Variants in FBN2 observed in about 807,000 individuals in gnomAD.
The protein encoded by FBN2 is fibrillin 2.
Under a neutral mutation model 355.6 loss-of-function variants are expected in FBN2, and 105 were observed. The observed-to-expected ratio is 0.30, with a 90% CI of 0.25 to 0.35. The LOEUF is 0.35. Ranked by LOEUF, FBN2 falls within the 10% of genes least tolerant of loss-of-function variation. The pLI, the probability that FBN2 is intolerant of heterozygous loss-of-function variation, is 1.00. For synonymous variants in FBN2, 1,350 were observed against 1,301.2 expected (o/e 1.04, Z -0.81); for missense variants, 3,280 against 3,758.7 (o/e 0.87, Z 3.33).
At chr5:128,471,824 T>A (rs894557856) in intron 5 of FBN2, among the ~76,000 whole-genome samples, 2 of 152,182 alleles carry the variant, frequency 1.3e-5, no homozygotes, top group Admixed American at 1.3e-4. Context: ...TATTTATACA[T>A]GTAGTTTTTA....
At chr5:128,395,086 T>C (rs1752612278) in intron 9 of FBN2, 36 bp downstream of exon 9, 4 of 1,612,616 alleles carry the variant, frequency 2.5e-6, no homozygotes, top group African/African-American at 1.3e-5. Context: ...TTCCTAACAG[T>C]GTCTGTGCTG....
At chr5:128,286,268 T>A (rs1041892674) in intron 55 of FBN2, among the ~76,000 whole-genome samples, 6 of 152,198 alleles carry the variant, frequency 3.9e-5, no homozygotes, top group Admixed American at 2.0e-4. Flanking sequence ...ATATGACACA[T>A]GTAATTCAGA....
Position 128,374,757 on chromosome 5 carries a change from A to G in FBN2, c.1973-7T>C. 1.9e-6 allele frequency: 3 copies of G among 1,613,828 alleles called. No individual in the cohort carries two copies. The highest frequency in any genetic ancestry group is 2.5e-6 in the Non-Finnish European group (3 of 1,179,816). ...GTCTGGCATTCATCAACATCTGTGC[A>G]GTGGGTGACAGAAGCCAAGCAGTTA... is the stretch of plus-strand genomic sequence containing the variant. On this transcript the variant is annotated splice_polypyrimidine_tract_variant and splice_region_variant and intron_variant, in intron 14 of 64. Transcript: ENST00000262464.
chr5:128,259,401 C>A lies in FBN2; in HGVS notation c.*54G>T. On this transcript the variant is annotated 3_prime_UTR_variant, in exon 65 of 65. Coordinates refer to ENST00000262464, the MANE Select transcript of FBN2 (RefSeq NM_001999.4). ...AAATTAGTCCTTGACTTTTCAAATG[C>A]TTCTGCAGACTGGCTGTGCTAGGAT... The A allele has an allele frequency of 5.6e-6, 9 of 1,604,714 alleles. No individual in the cohort carries two copies. Among genetic ancestry groups the A allele is most frequent in the Middle Eastern group, 2.2e-4 (1 of 4,500 alleles).
chr5:128,277,825 G>C (rs1765432992), intron 58 of FBN2, 55 bp downstream of exon 58: 1 of 1,595,500 alleles, frequency 6.3e-7, no homozygotes, highest in South Asian at 1.1e-5. Flanking sequence ...TGACTTGCAG[G>C]AAACAGTAGC....
intron 15 of FBN2, among the ~76,000 whole-genome samples, chr5:128,371,509 A>T (rs12518130): frequency 8.4e-4 from 86 of 102,692 alleles, no homozygotes; most frequent in South Asian, 1.1e-3. Flanking sequence ...CCCTCCCTCC[A>T]TCCTTCCTTC....
Position 128,305,606 on chromosome 5 carries a change from A to G in FBN2, c.5579T>C (p.Leu1860Pro), listed in dbSNP as rs1749847421. The stretch of plus-strand genomic sequence containing the variant: ...GATGCAGTCTGCATTCCGCTGGCAG[A>G]GATTATCACCATTGCTGCACTCATC... ...DIDECSNGDN[L>P]CQRNADCINS... is the part of the protein sequence containing the mutation. The change falls in exon 44 of 65, where the codon CTC becomes CCC. Residue 1860 changes from leucine to proline, a missense_variant. Coordinates refer to ENST00000262464, the MANE Select transcript of FBN2 (RefSeq NM_001999.4). 1 of 1,614,032 alleles carries G rather than the reference A, an allele frequency of 6.2e-7. No individual in the cohort carries two copies. Among genetic ancestry groups the G allele is most frequent in the Admixed American group, 1.7e-5 (1 of 60,004 alleles).
chr5:128,512,904 A>T (rs577898722), intron 5 of FBN2, among the ~76,000 whole-genome samples: 2 of 152,332 alleles, frequency 1.3e-5, no homozygotes, highest in East Asian at 3.9e-4. Context: ...CAGGCATTAT[A>T]TCATTCAATC....
chr5:128,498,851 A>C (rs1165435447), intron 5 of FBN2, among the ~76,000 whole-genome samples: 1 of 152,242 alleles, frequency 6.6e-6, no homozygotes, highest in Non-Finnish European at 1.5e-5. Context: ...ATTAAGATAC[A>C]GATTTAGTTT....
chr5:128,354,992 A>T (rs1263039114), intron 20 of FBN2, among the ~76,000 whole-genome samples: 1 of 152,210 alleles, frequency 6.6e-6, no homozygotes, highest in Non-Finnish European at 1.5e-5. Context: ...GAGTGTAGAA[A>T]GAGAAACAGA....
chr5:128,287,467 G>C, intron 53 of FBN2, 37 bp from the exon 54 acceptor site: 3 of 1,612,058 alleles, frequency 1.9e-6, no homozygotes, highest in Non-Finnish European at 2.5e-6. Context: ...GCTCAGCCTA[G>C]AGTTCTAATT....
In FBN2 at chr5:128,376,857, C is replaced by A; in HGVS notation, c.1850-4G>T. 6.2e-7 allele frequency: 1 copy of A among 1,612,938 alleles called. No individual in the cohort carries two copies. ...GTAGTTGTACATTCATCATGATCTG[C>A]AGAAGAGGATTGAGTGACTTTGAAC... On this transcript the variant is annotated splice_region_variant and splice_polypyrimidine_tract_variant and intron_variant, in intron 13 of 64. Coordinates refer to ENST00000262464, the MANE Select transcript of FBN2 (RefSeq NM_001999.4).
chr5:128,354,676 G>A (rs77684557), intron 20 of FBN2, among the ~76,000 whole-genome samples: 15,683 of 152,206 alleles, frequency 0.1, 972 homozygotes, highest in Admixed American at 0.18. Flanking sequence ...GTTTGCTGAT[G>A]ACTTTCATAT....
At chr5:128,462,075 CTGTT>C (rs576849801) in intron 6 of FBN2, among the ~76,000 whole-genome samples, 130 of 152,268 alleles carry the variant, frequency 8.5e-4, no homozygotes, top group African/African-American at 3.0e-3. Context: ...CACAGCTACT[CTGTT>C]TACTACAAGG....
At chr5:128,436,422 G>A (rs427025) in intron 7 of FBN2, among the ~76,000 whole-genome samples, 114,155 of 152,108 alleles carry the variant, frequency 0.75, 44,247 homozygotes, top group East Asian at 0.96. Flanking sequence ...TTTAACTGTT[G>A]ATATATATTC....
At chr5:128,445,353 A>G (rs1754037390) in intron 7 of FBN2, among the ~76,000 whole-genome samples, 2 of 152,210 alleles carry the variant, frequency 1.3e-5, no homozygotes, top group African/African-American at 2.4e-5. Flanking sequence ...GGCAAATGAA[A>G]AAAAACAGGA....
At chr5:128,494,043 T>C (rs1175244128) in intron 5 of FBN2, among the ~76,000 whole-genome samples, 2 of 152,100 alleles carry the variant, frequency 1.3e-5, no homozygotes, top group Non-Finnish European at 2.9e-5. Context: ...ATAGCAAATA[T>C]GGGTCTGTGA....
rs886038893 is a variant in FBN2 at position 128,274,625 on chromosome 5, C to G, written c.7653G>C (p.Leu2551=). Residue 2551 remains leucine (L), a synonymous_variant, in exon 60 of 65, where the codon CTG becomes CTC. Coordinates refer to ENST00000262464, the MANE Select transcript of FBN2 (RefSeq NM_001999.4). ...HNCQFLCVNT[L]GGFTCKCPPG... ...GTGGACATTTACAGGTAAACCCCCCCAGGGTGTTGACACAGAGGAACTGGC... is the reference window on the plus strand; with the variant it reads ...GTGGACATTTACAGGTAAACCCCCCGAGGGTGTTGACACAGAGGAACTGGC... 6.8e-6 allele frequency: 11 copies of G among 1,613,582 alleles called. No individual in the cohort carries two copies. The highest frequency in any genetic ancestry group is 9.3e-6 in the Non-Finnish European group (11 of 1,179,542).
chr5:128,407,855 ATACTAACTGCCTG>A (rs1752970162), intron 8 of FBN2, among the ~76,000 whole-genome samples: 1 of 152,206 alleles, frequency 6.6e-6, no homozygotes, highest in African/African-American at 2.4e-5. Context: ...GGTTGCTGAC[ATACTAACTGCCTG>A]GTTTGGGGAG....
Sources: allele counts gnomAD v4.1 joint callset (sites outside exome capture counted in the v4.1 genomes callset), GRCh38; gene constraint gnomAD v4.1.1; transcripts MANE v1.5; gene names NCBI Gene and HGNC (gene_info 2026-07-23, HGNC 2026-07-21).